Variants in CIB2 observed in about 807,000 individuals in gnomAD.
CIB2 encodes the protein calcium and integrin binding family member 2.
A neutral mutation model predicts 23.1 loss-of-function variants in CIB2; 19 were observed. The ratio of observed to expected loss-of-function variants is 0.82; its 90% CI spans 0.57 to 1.21. CIB2 has a LOEUF of 1.21. Among genes scored for constraint, CIB2 ranks in the 50% most tolerant of loss-of-function variants. The pLI is 0.00. For synonymous variants in CIB2, 94 were observed against 91.7 expected (o/e 1.03, Z -0.14); for missense variants, 220 against 241.5 (o/e 0.91, Z 0.59).
At position 78,123,734 on chromosome 15, in the gene CIB2, G is replaced by A. The variant is rs1475061661; in HGVS notation, c.57C>T (p.Cys19=). Residue 19 remains cysteine (C), a synonymous_variant, in exon 2 of 6, where the codon TGC becomes TGT. Coordinates refer to ENST00000258930, the MANE Select transcript of CIB2 (RefSeq NM_006383.4). The stretch of plus-strand genomic sequence containing the variant: ...GGATGTCCTTCTTATTGAAGAAGGT[G>A]CAGTCCTGTTGAGGGAAAACACACA... ...TEEQLDNYQD[C]TFFNKKDILK... The A allele has an allele frequency of 1.9e-6, 3 of 1,614,012 alleles. No homozygotes were observed. The highest frequency in any genetic ancestry group is 2.2e-5 in the East Asian group (1 of 44,898).
intron 1 of CIB2, among the ~76,000 whole-genome samples, chr15:78,126,148 C>G (rs865850630): frequency 2.9e-4 from 43 of 149,240 alleles, no homozygotes; most frequent in African/African-American, 8.0e-4. Flanking sequence ...CTGCCCCCCC[C>G]CCTTTTTTTT....
At chr15:78,109,070 G>A (rs2074113059) in intron 4 of CIB2, among the ~76,000 whole-genome samples, 165 bp downstream of exon 4, 1 of 152,182 alleles carries the variant, frequency 6.6e-6, no homozygotes, top group Non-Finnish European at 1.5e-5. Context: ...CTCAGGGACT[G>A]ATCGTCTCCC....
At chr15:78,126,451 T>C (rs2074382628) in intron 1 of CIB2, among the ~76,000 whole-genome samples, 1 of 152,158 alleles carries the variant, frequency 6.6e-6, no homozygotes, top group Admixed American at 6.5e-5. Flanking sequence ...GCCTTCTTTT[T>C]TTCTTTTTAA....
chr15:78,106,419 T>C (rs3784326), intron 4 of CIB2, among the ~76,000 whole-genome samples: 13,691 of 152,254 alleles, frequency 0.09, 699 homozygotes, highest in Non-Finnish European at 0.12. Context: ...TGCACCCCGT[T>C]GCCTCAGTGG....
At chr15:78,118,336 T>C (rs897305518) in intron 2 of CIB2, among the ~76,000 whole-genome samples, 1 of 152,186 alleles carries the variant, frequency 6.6e-6, no homozygotes, top group African/African-American at 2.4e-5. Context: ...CTCACGCCTG[T>C]AATCCCAGCA....
intron 4 of CIB2, among the ~76,000 whole-genome samples, chr15:78,107,264 A>C (rs1295707002): frequency 1.3e-5 from 2 of 152,082 alleles, no homozygotes; most frequent in East Asian, 3.9e-4. Flanking sequence ...GGGAGGTGAA[A>C]AGGAGAGGTA....
Position 78,105,893 on chromosome 15 carries a change from G to C in CIB2, c.388C>G (p.Leu130Val). 6.2e-7 allele frequency: 1 copy of C among 1,614,212 alleles called. No homozygotes were observed. Among genetic ancestry groups the C allele is most frequent in the Non-Finnish European group, 8.5e-7 (1 of 1,180,036 alleles). ...GACTTAGTGAGCCGGGCCAGCGTCA[G>C]CTCCAGGTCCTCCTTGCAGATGAAG... ...DNFICKEDLELTLARLTKSEL... is the reference protein window; with the variant it reads ...DNFICKEDLEVTLARLTKSEL... The change falls in exon 5 of 6, where the codon CTG becomes GTG. Residue 130 changes from leucine (L) to valine (V), a missense_variant. Coordinates refer to ENST00000258930, the MANE Select transcript of CIB2 (RefSeq NM_006383.4).
chr15:78,130,873 G>T (rs953777232), intron 1 of CIB2, among the ~76,000 whole-genome samples: 1 of 152,068 alleles, frequency 6.6e-6, no homozygotes, highest in Non-Finnish European at 1.5e-5. Context: ...CCAGATGGGC[G>T]CTGGAATGGG....
At chr15:78,130,197 G>C (rs1372071043) in intron 1 of CIB2, among the ~76,000 whole-genome samples, 3 of 152,192 alleles carry the variant, frequency 2.0e-5, no homozygotes, top group African/African-American at 7.2e-5. Flanking sequence ...TGGGGAGTCA[G>C]GGGAGAGGCA....
chr15:78,106,504 T>C (rs767590257), intron 4 of CIB2, among the ~76,000 whole-genome samples: 3 of 152,192 alleles, frequency 2.0e-5, no homozygotes, highest in Non-Finnish European at 4.4e-5. Context: ...GTGCCTGGCC[T>C]TTGTGCACAC....
chr15:78,112,314 C>T (rs937657899), intron 2 of CIB2, among the ~76,000 whole-genome samples: 2 of 152,192 alleles, frequency 1.3e-5, no homozygotes, highest in Admixed American at 1.3e-4. Flanking sequence ...TGCCTGTAAA[C>T]CCAGTGTTTT....
rs186600084 is a variant in CIB2, at chr15:78,109,334, C to T, written c.247G>A (p.Glu83Lys). ...AAGTCGTTGAAAGTGAGGTTCCCCT[C>T]ACCATCCTCGGAAAACGCCGCCACG... Reference protein sequence around the residue: ...RIVAAFSEDGEGNLTFNDFVD... With the variant: ...RIVAAFSEDGKGNLTFNDFVD... The change falls in exon 4 of 6, where the codon GAG (glutamate) becomes AAG (lysine). Residue 83 changes from glutamate to lysine, a missense_variant. By Grantham distance (56) the Glu-to-Lys change is moderately conservative. Coordinates refer to ENST00000258930, the MANE Select transcript of CIB2 (RefSeq NM_006383.4). 2 of 1,614,176 alleles carry T rather than the reference C, an allele frequency of 1.2e-6. No individual in the cohort carries two copies.
In CIB2 at chr15:78,117,369, C is replaced by T. The variant is rs184120676; in HGVS notation, c.87-6093G>A. ...CATTTTTCCCTATCAGGTATTAAAA[C>T]AGTTTAAAGCTATAATAAGGACAAT... On this transcript the variant is annotated intron_variant, in intron 2 of 5. Coordinates refer to ENST00000258930, the MANE Select transcript of CIB2 (RefSeq NM_006383.4). Among the ~76,000 whole-genome samples the T allele has an allele frequency of 3.7e-3, 519 of 140,932 alleles. 2 individuals carry two copies. The highest frequency in any genetic ancestry group is 6.2e-3 in the South Asian group (26 of 4,222). The allele number at this position is 140,932 out of a possible 152,430, so 92.5% of individuals were successfully genotyped here.
rs764559602 is a variant in CIB2, at chr15:78,105,251, C to T, written c.*60G>A. 7.5e-6 allele frequency: 12 copies of T among 1,610,552 alleles called. No homozygotes were observed. The East Asian group carries it at 1.6e-4, about 21-fold the overall frequency. On this transcript the variant is annotated 3_prime_UTR_variant, in exon 6 of 6. Coordinates refer to ENST00000258930, the MANE Select transcript of CIB2 (RefSeq NM_006383.4). ...TTTCCTGGGGAGCTTGGAGGCCACACCCATGTGACTGCAGGGCAGGATGGT... is the reference window on the plus strand; with the variant it reads ...TTTCCTGGGGAGCTTGGAGGCCACATCCATGTGACTGCAGGGCAGGATGGT...
Position 78,106,596 on chromosome 15 carries a change from G to A in CIB2, c.347-662C>T, listed in dbSNP as rs974032245. On this transcript the variant is annotated intron_variant, in intron 4 of 5. Coordinates refer to ENST00000258930, the MANE Select transcript of CIB2 (RefSeq NM_006383.4). The stretch of plus-strand genomic sequence containing the variant: ...GCACAGCAAAATGGTTCAGAGGACC[G>A]AGCCATGCCTGGCCACATCAAAGTG... 2.0e-5 allele frequency among the ~76,000 whole-genome samples: 3 copies of A among 152,132 alleles called. No individual in the cohort carries two copies. The East Asian group carries it at 5.8e-4, about 29-fold the overall frequency.
chr15:78,115,621 A>ACAGAAACAAAAGGAGTTTCTGCTTAGGAG, intron 2 of CIB2, among the ~76,000 whole-genome samples: 1 of 151,626 alleles, frequency 6.6e-6, no homozygotes, highest in African/African-American at 2.4e-5. Context: ...TCTTAGTAAA[A>ACAGAAACAAAAGGAGTTTCTGCTTAGGAG]CAGAAACAAA....
intron 2 of CIB2, among the ~76,000 whole-genome samples, chr15:78,116,849 G>A (rs527778892): frequency 2.0e-5 from 3 of 152,122 alleles, no homozygotes; most frequent in African/African-American, 4.8e-5. Flanking sequence ...GGGAGGCCAA[G>A]GGGAAAGGAT....
At chr15:78,105,370 C>T (rs946029525) in intron 5 of CIB2, 38 bp from the exon 6 acceptor site, 3 of 1,613,278 alleles carry the variant, frequency 1.9e-6, no homozygotes, top group Non-Finnish European at 1.7e-6. Context: ...GTGAGAGGCC[C>T]TGGGTCGGGC....
intron 2 of CIB2, chr15:78,120,583 T>C: frequency 1.0e-6 from 1 of 984,610 alleles, no homozygotes; most frequent in Non-Finnish European, 1.2e-6. Flanking sequence ...AAAAGCAAGG[T>C]GACTGAATAG....
Sources: gnomAD v4.1 joint callset for allele counts (sites outside exome capture counted in the v4.1 genomes callset) on GRCh38, gnomAD v4.1.1 for gene constraint, MANE v1.5 for transcripts, NCBI Gene and HGNC (gene_info 2026-07-23, HGNC 2026-07-21) for gene names.